Variants in TMEM161B observed in about 807,000 individuals in gnomAD.
The protein encoded by TMEM161B is transmembrane protein 161B.
Under a neutral mutation model 61.8 loss-of-function variants are expected in TMEM161B, and 34 were observed. That is an observed-to-expected ratio of 0.55 (90% CI 0.42 to 0.73). TMEM161B has a LOEUF of 0.73. Ranked by LOEUF, TMEM161B falls within the 30% of genes least tolerant of loss-of-function variation. The pLI is 0.00. For synonymous variants in TMEM161B, 167 were observed against 192.8 expected, an observed-to-expected ratio of 0.87 and a Z score of 1.11; for missense variants, 456 against 558.5, an observed-to-expected ratio of 0.82 and a Z score of 1.85.
Position 88,220,727 on chromosome 5 carries a change from GAA to G in TMEM161B, c.290-10_290-9del, listed in dbSNP as rs764112016. The G allele has an allele frequency of 0.035, 20,494 of 592,168 alleles. No homozygotes were observed. The highest frequency in any genetic ancestry group is 0.05 in the East Asian group (457 of 9,184). 36.7% of individuals were successfully genotyped at this position (592,168 alleles called of 1,614,324 possible). ...CTGGAAAGTAATGCAATGCTGGAAA[GAA>G]AAAAAAAAAAAAAAAAAAAAAAGGT... On this transcript the variant is annotated splice_polypyrimidine_tract_variant and intron_variant, in intron 4 of 11. Coordinates refer to ENST00000296595, the MANE Select transcript of TMEM161B (RefSeq NM_153354.5).
chr5:88,247,327 T>A (rs1257239685), intron 1 of TMEM161B, among the ~76,000 whole-genome samples: 1 of 152,076 alleles, frequency 6.6e-6, no homozygotes, highest in African/African-American at 2.4e-5. Flanking sequence ...AATTCAAACT[T>A]TGAGTACTGT....
intron 1 of TMEM161B, among the ~76,000 whole-genome samples, chr5:88,262,650 G>T (rs1253006240): frequency 2.6e-5 from 4 of 152,120 alleles, no homozygotes. Context: ...AATCTGAAAA[G>T]TCTACATACT....
At chr5:88,198,157 C>T (rs924614001) in intron 10 of TMEM161B, 1 of 153,466 alleles carries the variant, frequency 6.5e-6, no homozygotes, top group Non-Finnish European at 1.4e-5. Context: ...AGCATAAATC[C>T]CTCATAAATA....
At chr5:88,259,000 A>G (rs1755347399) in intron 1 of TMEM161B, among the ~76,000 whole-genome samples, 8 of 152,218 alleles carry the variant, frequency 5.3e-5, no homozygotes, top group Admixed American at 5.2e-4. Flanking sequence ...TTGGCAATCT[A>G]TAATCATACA....
At chr5:88,232,220 G>C (rs1368626704) in intron 2 of TMEM161B, among the ~76,000 whole-genome samples, 1 of 152,118 alleles carries the variant, frequency 6.6e-6, no homozygotes, top group African/African-American at 2.4e-5. Flanking sequence ...GCAGACTGTT[G>C]CCTTGTTAGA....
chr5:88,226,267 C>T (rs902733054), intron 3 of TMEM161B, among the ~76,000 whole-genome samples: 3 of 151,868 alleles, frequency 2.0e-5, no homozygotes, highest in Admixed American at 6.6e-5. Context: ...ATAAACAGAC[C>T]CGGAACCATA....
chr5:88,204,720 C>T (rs914597415), intron 8 of TMEM161B, among the ~76,000 whole-genome samples: 8 of 149,144 alleles, frequency 5.4e-5, no homozygotes, highest in Admixed American at 1.3e-4. Flanking sequence ...GGGAGAAAGA[C>T]GGGATGCAGC....
chr5:88,207,610 C>A (rs922146611), intron 5 of TMEM161B, among the ~76,000 whole-genome samples: 2 of 152,126 alleles, frequency 1.3e-5, no homozygotes, highest in African/African-American at 2.4e-5. Context: ...AACTAAGTGT[C>A]TGGGGTCACC....
intron 1 of TMEM161B, among the ~76,000 whole-genome samples, chr5:88,255,500 T>G (rs1754868324): frequency 6.6e-6 from 1 of 152,220 alleles, no homozygotes; most frequent in East Asian, 1.9e-4. Context: ...ATTTATTGGT[T>G]GAATCCTATG....
chr5:88,199,946 A>G (rs1221149204), intron 9 of TMEM161B: 3 of 152,090 alleles, frequency 2.0e-5, no homozygotes, highest in East Asian at 1.9e-4. Flanking sequence ...ATCTAGTCTT[A>G]TATCTAGTAC....
At chr5:88,207,237 T>C in intron 5 of TMEM161B, 57 bp from the exon 6 acceptor site, 3 of 1,506,710 alleles carry the variant, frequency 2.0e-6, no homozygotes, top group East Asian at 2.3e-5. Flanking sequence ...CTATACACAA[T>C]GATCTTTATA....
At chr5:88,189,510 G>A (rs1394668159), downstream of TMEM161B, 1 of 152,546 alleles carries the variant, frequency 6.6e-6, no homozygotes, top group African/African-American at 2.4e-5. Flanking sequence ...GAGTGGTCAG[G>A]ACGACAATCT....
chr5:88,217,494 GT>G (rs1309504724), intron 5 of TMEM161B, among the ~76,000 whole-genome samples: 1 of 145,368 alleles, frequency 6.9e-6, no homozygotes, highest in Admixed American at 7.0e-5. Context: ...TAAGGAATTG[GT>G]TAGATGACAA....
chr5:88,185,599 A>G (rs1748322054), downstream of TMEM161B, among the ~76,000 whole-genome samples: 1 of 152,228 alleles, frequency 6.6e-6, no homozygotes, highest in African/African-American at 2.4e-5. Context: ...TATATTTTAT[A>G]TGTTCAAGAA....
At chr5:88,194,248 C>T (rs999969058), downstream of TMEM161B, among the ~76,000 whole-genome samples, 4 of 152,084 alleles carry the variant, frequency 2.6e-5, no homozygotes, top group African/African-American at 9.7e-5. Context: ...TCTGGTATTT[C>T]ATTTTCTGTT....
intron 5 of TMEM161B, among the ~76,000 whole-genome samples, chr5:88,210,911 C>T (rs1416060001): frequency 6.6e-6 from 1 of 152,104 alleles, no homozygotes; most frequent in Non-Finnish European, 1.5e-5. Context: ...AATCGGAAAA[C>T]ATTTTCTATG....
At chr5:88,240,707 A>G in intron 2 of TMEM161B, 106 bp downstream of exon 2, 3 of 921,324 alleles carry the variant, frequency 3.3e-6, no homozygotes, top group Non-Finnish European at 5.1e-6. Context: ...GATTTTTCTT[A>G]TGACTTCCTT....
chr5:88,206,502 G>T lies in TMEM161B; in HGVS notation c.599-3C>A. ...ACTGTCTGAAAAATTTGTAAACCCT[G>T]TGGGGGAAAAAAAAAAAAACAACAG... On this transcript the variant is annotated splice_region_variant and splice_polypyrimidine_tract_variant and intron_variant, in intron 6 of 11. Coordinates refer to ENST00000296595, the MANE Select transcript of TMEM161B (RefSeq NM_153354.5). 6 of 1,554,972 alleles carry T rather than the reference G, an allele frequency of 3.9e-6. No homozygotes were observed. The highest frequency in any genetic ancestry group is 1.2e-5 in the South Asian group (1 of 80,942).
chr5:88,245,822 AAAAC>A (rs1753528399), intron 1 of TMEM161B, among the ~76,000 whole-genome samples: 1 of 151,996 alleles, frequency 6.6e-6, no homozygotes, highest in African/African-American at 2.4e-5. Context: ...TGTTAAGGCA[AAAAC>A]AAACAAGCAA....
Sources: allele counts gnomAD v4.1 joint callset (sites outside exome capture counted in the v4.1 genomes callset), GRCh38; gene constraint gnomAD v4.1.1; transcripts MANE v1.5; gene names NCBI Gene and HGNC (gene_info 2026-07-23, HGNC 2026-07-21).